ITGB4: variants seen among roughly 807,000 people sequenced by gnomAD.
ITGB4 encodes integrin subunit beta 4, also known as integrin beta-4.
A neutral mutation model predicts 207.6 loss-of-function variants in ITGB4; 159 were observed. That is an observed-to-expected ratio of 0.77 (90% confidence interval 0.67 to 0.87). The LOEUF is 0.87. ITGB4 is among the 40% of genes least tolerant of loss of function. The probability of loss-of-function intolerance (pLI) is 0.00; values close to 1 mark genes in which losing one functional copy is unlikely to be tolerated. For missense variants in ITGB4, 2,278 were observed against 2,546.8 expected, an observed-to-expected ratio of 0.89 and a Z score of 2.27; for synonymous variants, 1,020 against 1,062.7, an observed-to-expected ratio of 0.96 and a Z score of 0.78.
chr17:75,737,740 G>A (rs1270642958), intron 18 of ITGB4, 96 bp downstream of exon 18: 32 of 1,033,994 alleles, frequency 3.1e-5, no homozygotes, highest in Middle Eastern at 2.9e-4. Context: ...CCCCGCCTGA[G>A]TTCTCATCTC....
rs772224695 is a variant in ITGB4, at chr17:75,731,266, C to T, written c.1113C>T (p.Asp371=). 17 of 1,613,492 alleles carry T rather than the reference C, an allele frequency of 1.1e-5. No homozygotes were observed. The South Asian group carries it at 1.6e-4, about 16-fold the overall frequency. Residue 371 remains aspartate (D), a synonymous_variant, in exon 10 of 40, where the codon GAC becomes GAT. Transcript: ENST00000200181. The surrounding 1 kb of genome is among the most constrained non-coding windows in gnomAD (Gnocchi z 6.8). ...EAFNRIRSNL[D]IRALDSPRGL... The stretch of plus-strand genomic sequence containing the variant: ...TTTAGCGGATCCGCTCCAACCTGGA[C>T]ATCCGGGCCCTAGACAGCCCCCGAG...
chr17:75,728,249 A>G, intron 5 of ITGB4, 128 bp from the exon 6 acceptor site: 1 of 754,654 alleles, frequency 1.3e-6, no homozygotes, highest in Admixed American at 2.0e-5. Context: ...GTGAGCATGA[A>G]CCTTTGTCCA....
Position 75,733,579 on chromosome 17 carries a change from G to T in ITGB4, c.1544G>T (p.Arg515Leu), listed in dbSNP as rs61735297. The T allele has an allele frequency of 1.2e-6, 2 of 1,614,070 alleles. No individual in the cohort carries two copies. The highest frequency in any genetic ancestry group is 1.1e-5 in the South Asian group (1 of 91,086). Residue 515 changes from arginine to leucine, a missense_variant, in exon 13 of 40, where the codon CGT (arginine) becomes CTT (leucine). Physicochemically the swap from Arg to Leu is moderately radical, Grantham distance 102 (BLOSUM62 -2). Transcript: ENST00000200181. Reference protein sequence around the residue: ...REGEDKPCSGRGECQCGHCVC... With the variant: ...REGEDKPCSGLGECQCGHCVC... ...GGCGAGGACAAGCCGTGCTCCGGCC[G>T]TGGGGAGTGCCAGTGCGGGCACTGT...
chr17:75,754,420 G>A lies in ITGB4; in HGVS notation c.4319-156G>A, dbSNP rs556545036. 9.2e-5 allele frequency: 81 copies of A among 876,346 alleles called. No individual in the cohort carries two copies. In the African/African-American group the frequency reaches 1.0e-3, roughly 11 times the overall value. The allele number at this position is 876,346 out of a possible 1,614,324, so 54.3% of individuals were successfully genotyped here. The stretch of plus-strand genomic sequence containing the variant: ...TGGCCCTTGGGCTCCTGCAGGGACA[G>A]AGGGCCTCTGTCCCTAGTGGTTTGA... On this transcript the variant is annotated intron_variant, in intron 33 of 39. Coordinates refer to ENST00000200181, the MANE Select transcript of ITGB4 (RefSeq NM_000213.5).
Position 75,737,571 on chromosome 17 carries a change from C to T in ITGB4, c.2147C>T (p.Pro716Leu), listed in dbSNP as rs1274397714. ...CPPGSFWWLIPLLLLLLPLLA... is the reference protein window; with the variant it reads ...CPPGSFWWLILLLLLLLPLLA... ...CCGGGCTCCTTCTGGTGGCTCATCC[C>T]CCTGCTCCTCCTCCTCCTGCCGCTC... Residue 716 changes from proline to leucine, a missense_variant, in exon 18 of 40, where the codon CCC (proline) becomes CTC (leucine). Pro to Leu is a moderately conservative substitution (Grantham distance 98). Transcript: ENST00000200181. The T allele has an allele frequency of 6.2e-7, 1 of 1,600,474 alleles. No homozygotes were observed. Among genetic ancestry groups the T allele is most frequent in the East Asian group, 2.3e-5 (1 of 44,102 alleles).
intron 26 of ITGB4, among the ~76,000 whole-genome samples, chr17:75,745,948 G>A (rs1463860695): frequency 6.6e-6 from 1 of 152,194 alleles, no homozygotes. Context: ...GGCCCATTCA[G>A]CAAACATAGG....
intron 34 of ITGB4, chr17:75,755,113 G>A (rs573085434): frequency 1.2e-6 from 2 of 1,607,996 alleles, no homozygotes; most frequent in African/African-American, 1.3e-5. Flanking sequence ...GGGCCCTGGG[G>A]TCCCGGAGTC....
Position 75,757,622 on chromosome 17 carries a change from TCA to T in ITGB4, c.*68_*69del. The T allele has an allele frequency of 6.3e-7, 1 of 1,598,972 alleles. No individual in the cohort carries two copies. Among genetic ancestry groups the T allele is most frequent in the South Asian group, 1.1e-5 (1 of 90,796 alleles). ...TCCCGACTCCTCTCCCGGAGCCTCCTCAGCTACTCCATCCTTGCACCCCTGGG... is the reference window on the plus strand; with the variant it reads ...TCCCGACTCCTCTCCCGGAGCCTCCTGCTACTCCATCCTTGCACCCCTGGG... On this transcript the variant is annotated 3_prime_UTR_variant, in exon 40 of 40. Coordinates refer to ENST00000200181, the MANE Select transcript of ITGB4 (RefSeq NM_000213.5).
chr17:75,728,104 C>G (rs1025145367), intron 5 of ITGB4, among the ~76,000 whole-genome samples: 2 of 152,214 alleles, frequency 1.3e-5, no homozygotes, highest in Admixed American at 1.3e-4. Context: ...GAGGGCACCC[C>G]CTGCCACGAG....
Position 75,727,514 on chromosome 17 carries a change from T to G in ITGB4, c.264+9T>G. 1 of 1,613,024 alleles carries G rather than the reference T, an allele frequency of 6.2e-7. No homozygotes were observed. The highest frequency in any genetic ancestry group is 8.5e-7 in the Non-Finnish European group (1 of 1,179,606). ...GCTTCCAAATCACAGAGGTGCCTGG[T>G]GTGGGGACTGGGGTGGGGGCTCCCC... On this transcript the variant is annotated intron_variant, in intron 4 of 39. Transcript: ENST00000200181. The surrounding 1 kb of genome is among the most constrained non-coding windows in gnomAD (Gnocchi z 6.0).
chr17:75,746,561 G>T (rs998210915), intron 26 of ITGB4, among the ~76,000 whole-genome samples: 3 of 149,688 alleles, frequency 2.0e-5, no homozygotes, highest in East Asian at 2.0e-4. Context: ...ATAGGGTTTC[G>T]CCATGTTGCC....
rs1192419267 is a variant in ITGB4, at chr17:75,724,700, G to A, written c.-4G>A. 6.2e-7 allele frequency: 1 copy of A among 1,612,920 alleles called. No individual in the cohort carries two copies. The highest frequency in any genetic ancestry group is 8.5e-7 in the Non-Finnish European group (1 of 1,179,296). On this transcript the variant is annotated 5_prime_UTR_variant, in exon 2 of 40. Transcript: ENST00000200181. ...AATTGTTGCTGTTCTGCAGGAGGAA[G>A]AGGATGGCAGGGCCACGCCCCAGCC...
rs1407983114 is a variant in ITGB4, at chr17:75,753,994, C to T, written c.4318+20C>T. 6 of 1,080,972 alleles carry T rather than the reference C, an allele frequency of 5.6e-6. No individual in the cohort carries two copies. The highest frequency in any genetic ancestry group is 5.9e-6 in the Non-Finnish European group (5 of 845,420). The allele number at this position is 1,080,972 out of a possible 1,614,324, so 67.0% of individuals were successfully genotyped here. On this transcript the variant is annotated intron_variant, in intron 33 of 39. Transcript: ENST00000200181. ...CCGGAGGTGACAGGCTCACCCGCCG[C>T]CCCCCGATCCGCGCCCACCCAGCCT...
At chr17:75,749,504 G>A (rs2061316709) in intron 27 of ITGB4, among the ~76,000 whole-genome samples, 1 of 152,168 alleles carries the variant, frequency 6.6e-6, no homozygotes, top group African/African-American at 2.4e-5. Flanking sequence ...CAGCACCTGG[G>A]CCATGGAATG....
chr17:75,740,739 G>A lies in ITGB4; in HGVS notation c.2551-54G>A. 1 of 1,596,252 alleles carries A rather than the reference G, an allele frequency of 6.3e-7. No individual in the cohort carries two copies. Among genetic ancestry groups the A allele is most frequent in the South Asian group, 1.1e-5 (1 of 90,652 alleles). ...TGGCTCCCTGGGTCCCCAGCCTGAG[G>A]GCTTGCCACGGGGTGGCCTAGGCCC... On this transcript the variant is annotated intron_variant, in intron 21 of 39. Coordinates refer to ENST00000200181, the MANE Select transcript of ITGB4 (RefSeq NM_000213.5). The surrounding 1 kb of genome is among the most constrained non-coding windows in gnomAD (Gnocchi z 5.9).
intron 35 of ITGB4, 113 bp from the exon 36 acceptor site, chr17:75,756,316 C>G: frequency 8.6e-7 from 1 of 1,163,486 alleles, no homozygotes; most frequent in South Asian, 1.3e-5. Flanking sequence ...CAAACCACAG[C>G]TAGTCCTGGG....
At position 75,732,218 on chromosome 17, in the gene ITGB4, A is replaced by G. The variant is rs767117621; in HGVS notation, c.1433A>G (p.Gln478Arg). 6.2e-7 allele frequency: 1 copy of G among 1,614,024 alleles called. No homozygotes were observed. Among genetic ancestry groups the G allele is most frequent in the Non-Finnish European group, 8.5e-7 (1 of 1,180,004 alleles). ...TTCAACGGAGACTTCGTGTGCGGAC[A>G]GTGTGTGTGCAGCGAGGGCTGGTGA... is the stretch of plus-strand genomic sequence containing the variant. ...CSFNGDFVCG[Q>R]CVCSEGWSGQ... Residue 478 changes from glutamine (Q) to arginine (R), a missense_variant, in exon 12 of 40, where the codon CAG (glutamine) becomes CGG (arginine). Gln to Arg is a conservative substitution (Grantham distance 43, BLOSUM62 1). Coordinates refer to ENST00000200181, the MANE Select transcript of ITGB4 (RefSeq NM_000213.5). The surrounding 1 kb of genome is among the most constrained non-coding windows in gnomAD (Gnocchi z 5.3).
In ITGB4 at chr17:75,739,790, G is replaced by A; in HGVS notation, c.2254+85G>A. ...GTGGAGGGAAGCTGAACCTGGAACG[G>A]CAGAGGCTGGAGGCTCTGGGGTCCC... On this transcript the variant is annotated intron_variant, in intron 19 of 39. Transcript: ENST00000200181. The surrounding 1 kb of genome is among the most constrained non-coding windows in gnomAD (Gnocchi z 5.4). 5 of 1,609,772 alleles carry A rather than the reference G, an allele frequency of 3.1e-6. No individual in the cohort carries two copies. The highest frequency in any genetic ancestry group is 4.3e-6 in the Non-Finnish European group (5 of 1,176,384).
Position 75,727,351 on chromosome 17 carries a change from G to A in ITGB4, c.163-53G>A, listed in dbSNP as rs2060741275. The A allele has an allele frequency of 6.2e-7, 1 of 1,612,536 alleles. No individual in the cohort carries two copies. The highest frequency in any genetic ancestry group is 1.7e-5 in the Admixed American group (1 of 59,926). ...GCTGGTGGAAATGAATCTAGGGTTG[G>A]GGCAGCCAGGGAATGGGTGCTGCCC... On this transcript the variant is annotated intron_variant, in intron 3 of 39. Coordinates refer to ENST00000200181, the MANE Select transcript of ITGB4 (RefSeq NM_000213.5). The surrounding 1 kb of genome is among the most constrained non-coding windows in gnomAD (Gnocchi z 6.0).
Sources: gnomAD v4.1 joint callset for allele counts (sites outside exome capture counted in the v4.1 genomes callset) on GRCh38, gnomAD v4.1.1 for gene constraint, Gnocchi (gnomAD v3.1) non-coding constraint, MANE v1.5 for transcripts, NCBI Gene and HGNC (gene_info 2026-07-23, HGNC 2026-07-21) for gene names.